The following SEC14L1 variants were observed in gnomAD, a reference collection of about 807,000 sequenced individuals.
SEC14L1 encodes SEC14 like lipid binding 1, also known as SEC14-like protein 1.
In SEC14L1, 48 loss-of-function variants were observed where a neutral mutation model predicts 85.3. That is an observed-to-expected ratio of 0.56 (90% CI 0.45 to 0.72). The LOEUF (loss-of-function observed/expected upper bound fraction) is 0.72. SEC14L1 is among the 30% of genes least tolerant of loss of function. SEC14L1 has a pLI of 0.00. For missense variants in SEC14L1, 682 were observed against 921.4 expected (o/e 0.74, Z 3.36); for synonymous variants, 391 against 355.5 (o/e 1.10, Z -1.12).
At chr17:77,162,164 G>A (rs1974094013) in intron 3 of SEC14L1, among the ~76,000 whole-genome samples, 1 of 151,840 alleles carries the variant, frequency 6.6e-6, no homozygotes, top group Admixed American at 6.6e-5. Flanking sequence ...GCGCTCGGCG[G>A]GGGAGGGACC....
intron 9 of SEC14L1, among the ~76,000 whole-genome samples, chr17:77,203,267 T>A (rs71384148): frequency 6.6e-6 from 1 of 152,208 alleles, no homozygotes; most frequent in Non-Finnish European, 1.5e-5. Flanking sequence ...CCAGCACTTA[T>A]GCAGCTCGAG....
rs1024313231 is a variant in SEC14L1, at chr17:77,153,034, A to G, written c.63+9375A>G. ...GAAGGTGTGGACCTAAATTCAATCA[A>G]TGCAGCCACCCTTTAGCAGTTCTCT... On this transcript the variant is annotated intron_variant, in intron 3 of 16. Coordinates refer to ENST00000436233, the MANE Select transcript of SEC14L1 (RefSeq NM_001143998.2). Among the ~76,000 whole-genome samples, 59 of 152,302 alleles carry G rather than the reference A, an allele frequency of 3.9e-4. 1 individual carries two copies. The highest frequency in any genetic ancestry group is 3.7e-3 in the Admixed American group (57 of 15,294).
In SEC14L1 at chr17:77,203,655, A is replaced by G; in HGVS notation, c.1095A>G (p.Arg365=). 2 of 1,612,646 alleles carry G rather than the reference A, an allele frequency of 1.2e-6. No individual in the cohort carries two copies. Among genetic ancestry groups the G allele is most frequent in the Non-Finnish European group, 1.7e-6 (2 of 1,179,420 alleles). ...CGCTCGGGGAGGAAGCCCTGCTGAG[A>G]TACGTAAGTGCGCGGCTGCGAGACT... ...VRALGEEALL[R]YVLSINEEGL... is the part of the protein sequence containing the mutation. Residue 365 remains arginine (R), a synonymous_variant, in exon 10 of 17, where the codon AGA becomes AGG. Coordinates refer to ENST00000436233, the MANE Select transcript of SEC14L1 (RefSeq NM_001143998.2).
intron 3 of SEC14L1, chr17:77,094,856 C>T (rs1046570203): frequency 6.6e-6 from 1 of 152,184 alleles, no homozygotes; most frequent in Non-Finnish European, 1.5e-5. Flanking sequence ...ACATTCTCCT[C>T]TGCATGCTTG....
chr17:77,144,325 C>CGT (rs1973181593), intron 3 of SEC14L1, among the ~76,000 whole-genome samples: 1 of 152,044 alleles, frequency 6.6e-6, no homozygotes, highest in African/African-American at 2.4e-5. Flanking sequence ...CTGATGAAAA[C>CGT]GTGTGTCACA....
chr17:77,120,988 G>A (rs368782064), intron 3 of SEC14L1, among the ~76,000 whole-genome samples: 2 of 152,304 alleles, frequency 1.3e-5, no homozygotes, highest in South Asian at 2.1e-4. Context: ...CTGGAGGCAG[G>A]AACCAAGGCA....
chr17:77,142,542 A>G (rs1973103087), intron 1 of SEC14L1, 104 bp from the exon 2 acceptor site: 1 of 144,432 alleles, frequency 6.9e-6, no homozygotes, highest in South Asian at 2.3e-4. Flanking sequence ...TGGGCAACAG[A>G]GAGACACCCT....
At chr17:77,089,977 C>T (rs4789415) in intron 2 of SEC14L1, 17,138 of 143,576 alleles carry the variant, frequency 0.12, 1,314 homozygotes, top group East Asian at 0.28. Flanking sequence ...CGAGATCACA[C>T]ACACCACTGC....
chr17:77,166,141 A>G (rs1230908668), intron 3 of SEC14L1, among the ~76,000 whole-genome samples: 3 of 152,102 alleles, frequency 2.0e-5, no homozygotes, highest in Non-Finnish European at 2.9e-5. Flanking sequence ...AGATCTTGCT[A>G]TGTTGCCCAG....
intron 3 of SEC14L1, among the ~76,000 whole-genome samples, chr17:77,111,271 A>G (rs1972039611): frequency 6.6e-6 from 1 of 151,818 alleles, no homozygotes; most frequent in Non-Finnish European, 1.5e-5. Context: ...TCCGGGCTAT[A>G]CGTGAATTTA....
chr17:77,138,006 A>T (rs1972845874), upstream of SEC14L1, among the ~76,000 whole-genome samples: 1 of 152,084 alleles, frequency 6.6e-6, no homozygotes, highest in African/African-American at 2.4e-5. Context: ...GTTTTTAAAG[A>T]CAACTTGGTG....
At chr17:77,200,744 TCCTTCCCTGGAGTTGAGTGGGGCCC>T in intron 9 of SEC14L1, 71 bp downstream of exon 9, 1 of 1,478,036 alleles carries the variant, frequency 6.8e-7, no homozygotes, top group South Asian at 1.3e-5. Flanking sequence ...TTCCAAGGCC[TCCTTCCCTGGAGTTGAGTGGGGCCC>T]CCTTGAGTGC....
chr17:77,214,074 G>A lies in SEC14L1; in HGVS notation c.*51G>A. 6.3e-7 allele frequency: 1 copy of A among 1,581,618 alleles called. No homozygotes were observed. Among genetic ancestry groups the A allele is most frequent in the Non-Finnish European group, 8.6e-7 (1 of 1,162,762 alleles). ...CAGAGGGGACGGCCGCCCCTCCTCG[G>A]ACAGCCAGCTGCACCCGCCCACCCA... On this transcript the variant is annotated 3_prime_UTR_variant, in exon 17 of 17. Coordinates refer to ENST00000436233, the MANE Select transcript of SEC14L1 (RefSeq NM_001143998.2).
At chr17:77,120,280 C>T (rs117648105) in intron 3 of SEC14L1, among the ~76,000 whole-genome samples, 1,710 of 152,194 alleles carry the variant, frequency 0.011, 37 homozygotes, top group Admixed American at 0.043. Flanking sequence ...AGGCATGAAG[C>T]GTTCTAACCG....
At chr17:77,199,986 T>C (rs1016615314) in intron 8 of SEC14L1, among the ~76,000 whole-genome samples, 1 of 152,114 alleles carries the variant, frequency 6.6e-6, no homozygotes, top group Non-Finnish European at 1.5e-5. Context: ...CTGGGCAACA[T>C]GGGGAAACCA....
chr17:77,090,725 C>G (rs1292351183), intron 2 of SEC14L1, among the ~76,000 whole-genome samples: 1 of 151,996 alleles, frequency 6.6e-6, no homozygotes. Flanking sequence ...CGCGGTGGCT[C>G]ACACCTGTAA....
At chr17:77,202,948 AAAAAC>A (rs1470733339) in intron 9 of SEC14L1, among the ~76,000 whole-genome samples, 3 of 151,668 alleles carry the variant, frequency 2.0e-5, no homozygotes, top group Non-Finnish European at 2.9e-5. Context: ...AAAAAAAAAA[AAAAAC>A]AGAGTAGAGC....
At chr17:77,208,121 T>C (rs1026951147) in intron 13 of SEC14L1, among the ~76,000 whole-genome samples, 13 of 152,310 alleles carry the variant, frequency 8.5e-5, no homozygotes, top group African/African-American at 2.2e-4. Flanking sequence ...AGCTAATGAA[T>C]TGGACATTCA....
chr17:77,185,231 G>GCTC (rs1975214037), intron 3 of SEC14L1: 1 of 985,368 alleles, frequency 1.0e-6, no homozygotes, highest in Non-Finnish European at 1.2e-6. Context: ...TGGTGGCAGA[G>GCTC]TGACAGGCTT....
Sources: gnomAD v4.1 joint callset for allele counts (sites outside exome capture counted in the v4.1 genomes callset) on GRCh38, gnomAD v4.1.1 for gene constraint, MANE v1.5 for transcripts, NCBI Gene and HGNC (gene_info 2026-07-23, HGNC 2026-07-21) for gene names.